The following APPBP2 variants were observed in gnomAD, a reference collection of about 807,000 sequenced individuals.
APPBP2 encodes amyloid protein-binding protein 2.
APPBP2 carries 15 observed loss-of-function variants against 76.0 expected under a neutral mutation model. The ratio of observed to expected loss-of-function variants is 0.20; its 90% CI spans 0.13 to 0.30. The LOEUF is 0.30. APPBP2 is among the 10% of genes least tolerant of loss of function. The pLI, the probability that APPBP2 is intolerant of heterozygous loss-of-function variation, is 1.00. For missense variants in APPBP2, 401 were observed against 687.2 expected, an observed-to-expected ratio of 0.58 and a Z score of 4.66; for synonymous variants, 222 against 242.2, an observed-to-expected ratio of 0.92 and a Z score of 0.77.
intron 4 of APPBP2, among the ~76,000 whole-genome samples, chr17:60,467,283 T>C (rs1385639371): frequency 4.6e-5 from 7 of 152,168 alleles, no homozygotes; most frequent in Non-Finnish European, 1.5e-5. Context: ...AAAACAAGGA[T>C]GGACAGGTTA....
intron 9 of APPBP2, chr17:60,460,194 T>G (rs552579350): frequency 6.5e-6 from 1 of 152,860 alleles, no homozygotes; most frequent in African/African-American, 2.4e-5. Flanking sequence ...ACCTATAAAT[T>G]AGTATGACTT....
intron 4 of APPBP2, among the ~76,000 whole-genome samples, chr17:60,475,690 C>CAT (rs60874586): frequency 4.0e-5 from 6 of 150,674 alleles, no homozygotes; most frequent in South Asian, 2.1e-4. Flanking sequence ...CACACACACA[C>CAT]GCTCCCCAAC....
intron 1 of APPBP2, among the ~76,000 whole-genome samples, chr17:60,517,834 T>G (rs2090975333): frequency 1.3e-5 from 2 of 152,232 alleles, no homozygotes; most frequent in South Asian, 2.1e-4. Flanking sequence ...CATGATTACC[T>G]TGCATCTGGC....
At chr17:60,482,181 G>A (rs7212871) in intron 3 of APPBP2, among the ~76,000 whole-genome samples, 12,514 of 152,052 alleles carry the variant, frequency 0.082, 1,705 homozygotes, top group African/African-American at 0.28. Flanking sequence ...GCGTCCGGCC[G>A]GGTTACTACT....
At chr17:60,452,432 T>C (rs988026964) in intron 11 of APPBP2, among the ~76,000 whole-genome samples, 6 of 152,254 alleles carry the variant, frequency 3.9e-5, no homozygotes, top group African/African-American at 1.2e-4. Context: ...CAAAATTTAG[T>C]TGAACCTTCT....
At chr17:60,468,873 G>C (rs73326468) in intron 4 of APPBP2, among the ~76,000 whole-genome samples, 12,514 of 152,182 alleles carry the variant, frequency 0.082, 1,707 homozygotes, top group African/African-American at 0.28. Flanking sequence ...ATTACTATTT[G>C]ATTGAACTAT....
At chr17:60,458,058 T>A (rs2090444299) in intron 9 of APPBP2, among the ~76,000 whole-genome samples, 1 of 152,210 alleles carries the variant, frequency 6.6e-6, no homozygotes, top group Non-Finnish European at 1.5e-5. Flanking sequence ...CAATATGTGA[T>A]CCTTTGTGAC....
chr17:60,484,276 T>C (rs1598359258), intron 3 of APPBP2, among the ~76,000 whole-genome samples: 1 of 152,240 alleles, frequency 6.6e-6, no homozygotes, highest in Admixed American at 6.5e-5. Context: ...AAGTCATTGG[T>C]AGCTTGATGG....
chr17:60,492,192 A>T (rs1379062164), intron 3 of APPBP2, among the ~76,000 whole-genome samples: 1 of 152,182 alleles, frequency 6.6e-6, no homozygotes, highest in Admixed American at 6.5e-5. Flanking sequence ...GAGGTTTGGG[A>T]ACCTCTGCCT....
chr17:60,505,931 C>G (rs1410894929), intron 1 of APPBP2, among the ~76,000 whole-genome samples: 4 of 151,844 alleles, frequency 2.6e-5, no homozygotes, highest in African/African-American at 9.7e-5. Flanking sequence ...GATCCACCTG[C>G]CTCGGCCTCC....
At position 60,502,748 on chromosome 17, in the gene APPBP2, C is replaced by T. The variant is rs527694079; in HGVS notation, c.139-2261G>A. Among the ~76,000 whole-genome samples, 21 of 145,808 alleles carry T rather than the reference C, an allele frequency of 1.4e-4. 3 individuals are homozygous for T. The highest frequency in any genetic ancestry group is 5.9e-4 in the African/African-American group (21 of 35,590). ...GCAGGCACCTGTAATCCCAGCTACT[C>T]GGGAGGCTGGGAGAGAATCGCTTGA... On this transcript the variant is annotated intron_variant, in intron 1 of 12. Coordinates refer to ENST00000083182, the MANE Select transcript of APPBP2 (RefSeq NM_006380.5).
At chr17:60,466,551 A>G in intron 4 of APPBP2, 92 bp from the exon 5 acceptor site, 4 of 1,181,848 alleles carry the variant, frequency 3.4e-6, no homozygotes, top group Non-Finnish European at 2.4e-6. Flanking sequence ...GACTTAAGGT[A>G]ATTAAATACA....
At chr17:60,451,730 C>T (rs574218819) in intron 12 of APPBP2, 150 bp downstream of exon 12, 20 of 598,976 alleles carry the variant, frequency 3.3e-5, no homozygotes, top group Admixed American at 1.3e-4. Flanking sequence ...CTGCCTATCT[C>T]GGCCTCCCAA....
Position 60,447,478 on chromosome 17 carries a change from G to GTT in APPBP2, c.*101_*102dup. 7.3e-7 allele frequency: 1 copy of GTT among 1,375,006 alleles called. No individual in the cohort carries two copies. Among genetic ancestry groups the GTT allele is most frequent in the South Asian group, 1.4e-5 (1 of 71,694 alleles). 85.2% of individuals were successfully genotyped at this position (1,375,006 alleles called of 1,614,324 possible). A position where few individuals can be genotyped will look rare whatever the true frequency, so the allele number is the denominator to read the frequency against. ...AGGGTCTTCAATGGACTGGACCAGT[G>GTT]TTTCAATGCAAATTCCAGCCCCCCA... On this transcript the variant is annotated 3_prime_UTR_variant, in exon 13 of 13. Coordinates refer to ENST00000083182, the MANE Select transcript of APPBP2 (RefSeq NM_006380.5).
intron 8 of APPBP2, 160 bp from the exon 9 acceptor site, chr17:60,460,947 C>T (rs1239127426): frequency 1.9e-6 from 1 of 521,914 alleles, no homozygotes; most frequent in Non-Finnish European, 3.0e-6. Flanking sequence ...TGAAAGTCAC[C>T]TAGAAGTCCT....
intron 12 of APPBP2, 149 bp downstream of exon 12, chr17:60,451,731 G>A (rs894949910): frequency 6.7e-6 from 4 of 599,222 alleles, no homozygotes; most frequent in Admixed American, 3.3e-5. Flanking sequence ...TGCCTATCTC[G>A]GCCTCCCAAA....
rs148835891 is a variant in APPBP2 at position 60,513,101 on chromosome 17, G to A, written c.139-12614C>T. The A allele has an allele frequency of 1.3e-3, 332 of 249,406 alleles. 2 individuals carry two copies. The highest frequency in any genetic ancestry group is 7.1e-3 in the African/African-American group (310 of 43,774). The allele number at this position is 249,406 out of a possible 1,614,324, so 15.4% of individuals were successfully genotyped here. A position where few individuals can be genotyped will look rare whatever the true frequency, so the allele number is the denominator to read the frequency against. ...GTGTTGATGTCCCACCCCTGATGCT[G>A]TGCAGCGCCTGAAACCCAGCGAGCT... On this transcript the variant is annotated intron_variant, in intron 1 of 12. Coordinates refer to ENST00000083182, the MANE Select transcript of APPBP2 (RefSeq NM_006380.5).
rs1407184552 is a variant in APPBP2, at chr17:60,500,469, A to G, written c.157T>C (p.Leu53=). The change falls in exon 2 of 13, where the codon TTA becomes CTA. Residue 53 remains leucine, a synonymous_variant. Transcript: ENST00000083182. The part of the protein sequence containing the change: ...VYYKLYQQGR[L]CQLGSEFCEL... ...CAAAATTCACTGCCCAGTTGACATAAGCGTCCCTGTTGGTAAAGCTGAAAT... is the reference window on the plus strand; with the variant it reads ...CAAAATTCACTGCCCAGTTGACATAGGCGTCCCTGTTGGTAAAGCTGAAAT... 7 of 1,609,082 alleles carry G rather than the reference A, an allele frequency of 4.4e-6. No individual in the cohort carries two copies. In the East Asian group the frequency reaches 1.6e-4, roughly 36 times the overall value.
At chr17:60,501,380 C>A (rs1171943096) in intron 1 of APPBP2, among the ~76,000 whole-genome samples, 6 of 152,074 alleles carry the variant, frequency 3.9e-5, no homozygotes, top group African/African-American at 1.4e-4. Context: ...GCAACCCCGC[C>A]TCAATGTCAC....
Sources: allele counts gnomAD v4.1 joint callset (sites outside exome capture counted in the v4.1 genomes callset), GRCh38; gene constraint gnomAD v4.1.1; transcripts MANE v1.5; gene names NCBI Gene and HGNC (gene_info 2026-07-23, HGNC 2026-07-21).